Variants in WWOX observed in about 807,000 individuals in gnomAD.
WWOX encodes WW domain-containing oxidoreductase.
WWOX carries 69 observed loss-of-function variants against 46.2 expected under a neutral mutation model. The observed-to-expected ratio is 1.49, with a 90% CI of 1.23 to 1.82. The LOEUF (loss-of-function observed/expected upper bound fraction) is 1.82. WWOX is among the 40% of genes most tolerant of loss of function. The probability of loss-of-function intolerance (pLI) is 0.00; values close to 1 mark genes in which losing one functional copy is unlikely to be tolerated. For missense variants in WWOX, 919 were observed against 542.6 expected (o/e 1.69, Z -6.89); for synonymous variants, 359 against 202.6 (o/e 1.77, Z -6.56).
At chr16:79,110,728 T>C (rs918243635) in intron 8 of WWOX, 1 of 152,150 alleles carries the variant, frequency 6.6e-6, no homozygotes, top group African/African-American at 2.4e-5. Context: ...AGAAGAAATA[T>C]GGGATGTTTT....
Position 79,211,755 on chromosome 16 carries a change from G to T in WWOX, c.1204G>T (p.Glu402Ter), listed in dbSNP as rs200839945. Residue 402 changes from glutamate to a stop codon, truncating the protein, a stop_gained, in exon 9 of 9, where the codon GAG becomes TAG. Coordinates refer to ENST00000566780, the MANE Select transcript of WWOX (RefSeq NM_016373.4). LOFTEE classifies it high-confidence loss of function. Reference protein sequence around the residue: ...ETARTLWALSERLIQERLGSQ... With the variant: ...ETARTLWALS The stretch of plus-strand genomic sequence containing the variant: ...GGCCCGGACCCTGTGGGCGCTCAGC[G>T]AGAGGCTGATCCAAGAACGGCTTGG... 1 of 1,614,200 alleles carries T rather than the reference G, an allele frequency of 6.2e-7. No homozygotes were observed. The highest frequency in any genetic ancestry group is 1.1e-5 in the South Asian group (1 of 91,086).
chr16:78,536,169 C>A (rs191026325), intron 8 of WWOX, among the ~76,000 whole-genome samples: 64 of 152,214 alleles, frequency 4.2e-4, no homozygotes, highest in African/African-American at 1.5e-3. Flanking sequence ...CAACATAAAC[C>A]ACCCCCAGAG....
At chr16:78,121,898 CAA>C (rs1410766868) in intron 4 of WWOX, among the ~76,000 whole-genome samples, 3 of 152,036 alleles carry the variant, frequency 2.0e-5, no homozygotes, top group Non-Finnish European at 2.9e-5. Flanking sequence ...TGACATTAGG[CAA>C]TCTGCTTGCC....
chr16:78,418,808 G>A (rs183975872), intron 6 of WWOX, among the ~76,000 whole-genome samples: 1 of 151,986 alleles, frequency 6.6e-6, no homozygotes, highest in Non-Finnish European at 1.5e-5. Context: ...TCAATAAAGG[G>A]CATCTGCAAA....
chr16:79,024,109 C>G (rs1487905102), intron 8 of WWOX, among the ~76,000 whole-genome samples: 3 of 152,112 alleles, frequency 2.0e-5, no homozygotes, highest in Middle Eastern at 3.2e-3. Context: ...AAAGAGGGGA[C>G]TAGAGAATGA....
At chr16:78,348,032 T>C (rs1476940709) in intron 5 of WWOX, among the ~76,000 whole-genome samples, 1 of 122,742 alleles carries the variant, frequency 8.1e-6, no homozygotes, top group African/African-American at 2.8e-5. Flanking sequence ...TTTAAAAATA[T>C]ACCTTTCTGC....
chr16:78,186,417 A>T (rs995800855), intron 5 of WWOX, among the ~76,000 whole-genome samples: 6 of 152,202 alleles, frequency 3.9e-5, no homozygotes, highest in Admixed American at 3.9e-4. Flanking sequence ...CAGTTGATCA[A>T]TTGATATCCT....
At chr16:78,736,501 T>G (rs2049095006) in intron 8 of WWOX, among the ~76,000 whole-genome samples, 1 of 152,196 alleles carries the variant, frequency 6.6e-6, no homozygotes, top group Non-Finnish European at 1.5e-5. Context: ...GTCTCACATG[T>G]GACAACACAC....
At chr16:78,591,652 C>G (rs1416387406) in intron 8 of WWOX, among the ~76,000 whole-genome samples, 1 of 152,188 alleles carries the variant, frequency 6.6e-6, no homozygotes, top group Admixed American at 6.5e-5. Flanking sequence ...TGACCAAGCT[C>G]TAAAATGAGC....
At chr16:78,420,150 C>G (rs760826976) in intron 6 of WWOX, among the ~76,000 whole-genome samples, 3 of 152,048 alleles carry the variant, frequency 2.0e-5, no homozygotes, top group Middle Eastern at 6.3e-3. Flanking sequence ...GATGAAAGTT[C>G]AAATACAGTC....
intron 8 of WWOX, among the ~76,000 whole-genome samples, chr16:78,922,681 A>G (rs28366773): frequency 0.058 from 8,830 of 151,960 alleles, 489 homozygotes; most frequent in African/African-American, 0.15. Context: ...CACCAGCCTC[A>G]GTGAATGTTT....
At chr16:79,081,900 G>A (rs945712181) in intron 8 of WWOX, among the ~76,000 whole-genome samples, 14 of 152,110 alleles carry the variant, frequency 9.2e-5, no homozygotes, top group African/African-American at 1.7e-4. Flanking sequence ...TCTGATGGGC[G>A]AGTTCACTCA....
chr16:78,793,640 C>CA (rs995375943), intron 8 of WWOX, among the ~76,000 whole-genome samples: 26 of 151,648 alleles, frequency 1.7e-4, no homozygotes, highest in East Asian at 5.8e-4. Context: ...TAGCACACAG[C>CA]AAAAAAAACT....
chr16:78,726,087 TCCTCCCTCCCTCCCTC>T (rs151264242), intron 8 of WWOX, among the ~76,000 whole-genome samples: 1 of 113,126 alleles, frequency 8.8e-6, no homozygotes, highest in Non-Finnish European at 1.9e-5. Flanking sequence ...CCCTCCCTCT[TCCTCCCTCCCTCCCTC>T]CCTCCCTCTC....
At chr16:78,835,493 G>A (rs988771263) in intron 8 of WWOX, among the ~76,000 whole-genome samples, 2 of 152,214 alleles carry the variant, frequency 1.3e-5, no homozygotes, top group African/African-American at 4.8e-5. Flanking sequence ...GAAAGAGAAG[G>A]TGGAGTGATA....
intron 8 of WWOX, among the ~76,000 whole-genome samples, chr16:79,020,795 C>G (rs141475059): frequency 6.6e-6 from 1 of 152,142 alleles, no homozygotes; most frequent in Admixed American, 6.5e-5. Context: ...CTGTGCTCTC[C>G]ATTACGGAAT....
intron 8 of WWOX, among the ~76,000 whole-genome samples, chr16:78,831,561 G>A (rs879816312): frequency 6.6e-6 from 1 of 152,192 alleles, no homozygotes; most frequent in Non-Finnish European, 1.5e-5. Context: ...TCAGTGACCT[G>A]CACACCAGGA....
At chr16:78,327,434 T>C (rs998031858) in intron 5 of WWOX, among the ~76,000 whole-genome samples, 6 of 152,042 alleles carry the variant, frequency 3.9e-5, no homozygotes, top group African/African-American at 1.4e-4. Flanking sequence ...GTACCCTCAG[T>C]GTGGAAGGAG....
At chr16:78,658,820 G>A (rs1050856391) in intron 8 of WWOX, among the ~76,000 whole-genome samples, 1 of 151,796 alleles carries the variant, frequency 6.6e-6, no homozygotes, top group Non-Finnish European at 1.5e-5. Flanking sequence ...GGCTGGGCAC[G>A]GTGGCTCATG....
Sources: allele counts gnomAD v4.1 joint callset (sites outside exome capture counted in the v4.1 genomes callset), GRCh38; gene constraint gnomAD v4.1.1; transcripts MANE v1.5; gene names NCBI Gene and HGNC (gene_info 2026-07-23, HGNC 2026-07-21).